The following SDCCAG8 variants were observed in gnomAD, a reference collection of about 807,000 sequenced individuals.
SDCCAG8 encodes the protein serologically defined colon cancer antigen 8.
In SDCCAG8, 74 loss-of-function variants were observed where a neutral mutation model predicts 101.8. The ratio of observed to expected loss-of-function variants is 0.73; its 90% confidence interval spans 0.60 to 0.88. The LOEUF (loss-of-function observed/expected upper bound fraction) is 0.88. SDCCAG8 is among the 40% of genes least tolerant of loss of function. The probability of loss-of-function intolerance (pLI) is 0.00; values close to 1 mark genes in which losing one functional copy is unlikely to be tolerated. For missense variants in SDCCAG8, 787 were observed against 822.6 expected (o/e 0.96, Z 0.53); for synonymous variants, 281 against 292.9 (o/e 0.96, Z 0.41).
intron 17 of SDCCAG8, among the ~76,000 whole-genome samples, chr1:243,490,648 A>G (rs1369784725): frequency 6.6e-6 from 1 of 152,208 alleles, no homozygotes; most frequent in Non-Finnish European, 1.5e-5. Context: ...GGGAGTGCTG[A>G]GTGCAGGCGG....
intron 10 of SDCCAG8, among the ~76,000 whole-genome samples, chr1:243,332,422 TAGTCCAGGTCTGGAGGTGACTCAC>T (rs371047112): frequency 1.4e-4 from 22 of 152,330 alleles, no homozygotes; most frequent in African/African-American, 4.6e-4. Context: ...GTCATTATCG[TAGTCCAGGTCTGGAGGTGACTCAC>T]AGTCCAGGTC....
intron 13 of SDCCAG8, among the ~76,000 whole-genome samples, chr1:243,397,835 A>C (rs749536917): frequency 1.3e-5 from 2 of 152,250 alleles, no homozygotes; most frequent in Non-Finnish European, 2.9e-5. Flanking sequence ...CATACAGTGG[A>C]GCAAGAAATG....
At chr1:243,488,939 A>G (rs1665697642) in intron 16 of SDCCAG8, 75 bp from the exon 17 acceptor site, 1 of 1,606,544 alleles carries the variant, frequency 6.2e-7, no homozygotes, top group Non-Finnish European at 8.5e-7. Flanking sequence ...GGCTTCCCTC[A>G]GATACACACA....
At chr1:243,420,320 G>A (rs574916218) in intron 15 of SDCCAG8, among the ~76,000 whole-genome samples, 20 of 152,230 alleles carry the variant, frequency 1.3e-4, no homozygotes, top group Non-Finnish European at 2.4e-4. Flanking sequence ...ATACATACAC[G>A]TATCAAGTGC....
chr1:243,411,598 CT>C (rs949401146), intron 13 of SDCCAG8, among the ~76,000 whole-genome samples: 19 of 152,266 alleles, frequency 1.2e-4, no homozygotes, highest in African/African-American at 4.6e-4. Flanking sequence ...CCTGGTACCC[CT>C]CTCCTACTTC....
At chr1:243,266,974 G>A (rs1471253581) in intron 1 of SDCCAG8, among the ~76,000 whole-genome samples, 2 of 150,828 alleles carry the variant, frequency 1.3e-5, no homozygotes, top group Admixed American at 6.6e-5. Context: ...GCTGGGCGCG[G>A]TGGCTCACGC....
At chr1:243,303,618 A>C (rs2071770959) in intron 6 of SDCCAG8, among the ~76,000 whole-genome samples, 1 of 152,188 alleles carries the variant, frequency 6.6e-6, no homozygotes, top group African/African-American at 2.4e-5. Context: ...TCTTTTCCTT[A>C]TGATTTTCCT....
chr1:243,268,495 A>G (rs979174548), intron 1 of SDCCAG8, among the ~76,000 whole-genome samples: 3 of 152,230 alleles, frequency 2.0e-5, no homozygotes, highest in Non-Finnish European at 4.4e-5. Flanking sequence ...CATTTCAAAG[A>G]AAGATCTGTG....
At chr1:243,365,603 C>A (rs930712431) in intron 12 of SDCCAG8, among the ~76,000 whole-genome samples, 2 of 152,042 alleles carry the variant, frequency 1.3e-5, no homozygotes, top group African/African-American at 2.4e-5. Flanking sequence ...ATCTAAGAGA[C>A]AAAATAATTT....
At chr1:243,354,788 A>C (rs1342816473) in intron 12 of SDCCAG8, among the ~76,000 whole-genome samples, 2 of 152,260 alleles carry the variant, frequency 1.3e-5, no homozygotes, top group African/African-American at 4.8e-5. Flanking sequence ...CAGATGACCT[A>C]GAATATGATC....
chr1:243,446,198 A>G (rs746387285), intron 16 of SDCCAG8, among the ~76,000 whole-genome samples: 1 of 152,228 alleles, frequency 6.6e-6, no homozygotes, highest in Non-Finnish European at 1.5e-5. Context: ...TGAGTCAGAC[A>G]AGTAAAGATG....
At chr1:243,438,170 C>T (rs894024575) in intron 16 of SDCCAG8, among the ~76,000 whole-genome samples, 3 of 152,120 alleles carry the variant, frequency 2.0e-5, no homozygotes, top group East Asian at 3.9e-4. Flanking sequence ...TGTGCGCATC[C>T]GGGGGGAGGA....
intron 4 of SDCCAG8, among the ~76,000 whole-genome samples, chr1:243,278,369 T>C (rs2068752768): frequency 6.6e-6 from 1 of 151,912 alleles, no homozygotes; most frequent in Non-Finnish European, 1.5e-5. Context: ...TACAGGTGTG[T>C]GCCACCACAC....
chr1:243,430,128 C>A (rs2081623802), intron 16 of SDCCAG8, among the ~76,000 whole-genome samples: 2 of 152,140 alleles, frequency 1.3e-5, no homozygotes, highest in South Asian at 4.1e-4. Context: ...GAGCCACTGT[C>A]CCCAGCAGGG....
intron 16 of SDCCAG8, among the ~76,000 whole-genome samples, chr1:243,442,125 C>G (rs1279750042): frequency 6.6e-6 from 1 of 152,034 alleles, no homozygotes; most frequent in Non-Finnish European, 1.5e-5. Context: ...GTACATTTTG[C>G]TGTGTAAGTG....
At chr1:243,394,293 G>A (rs2078904290) in intron 13 of SDCCAG8, among the ~76,000 whole-genome samples, 1 of 152,192 alleles carries the variant, frequency 6.6e-6, no homozygotes, top group Non-Finnish European at 1.5e-5. Context: ...ATTTGGTGCT[G>A]TCAAAAAATT....
At chr1:243,357,346 T>C (rs1015586934) in intron 12 of SDCCAG8, among the ~76,000 whole-genome samples, 3 of 151,944 alleles carry the variant, frequency 2.0e-5, no homozygotes, top group Middle Eastern at 3.4e-3. Context: ...GCCACTGCAC[T>C]CCAGCCTGGG....
At chr1:243,294,023 C>T (rs767595886) in intron 6 of SDCCAG8, among the ~76,000 whole-genome samples, 7 of 152,012 alleles carry the variant, frequency 4.6e-5, no homozygotes, top group Non-Finnish European at 1.0e-4. Flanking sequence ...TCCTGATTTT[C>T]TTTAGTTCTT....
chr1:243,271,256 A>T (rs2130597), intron 3 of SDCCAG8, among the ~76,000 whole-genome samples, 193 bp downstream of exon 3: 147,317 of 151,566 alleles, frequency 0.97, 71,734 homozygotes, highest in East Asian at 1. Context: ...TTGATTTTTT[A>T]AATTTATTAT....
Sources: gnomAD v4.1 joint callset for allele counts (sites outside exome capture counted in the v4.1 genomes callset) on GRCh38, gnomAD v4.1.1 for gene constraint, MANE v1.5 for transcripts, NCBI Gene and HGNC (gene_info 2026-07-23, HGNC 2026-07-21) for gene names.